The following DNHD1 variants were observed in gnomAD, a reference collection of about 807,000 sequenced individuals.
DNHD1 encodes the protein dynein heavy chain domain-containing protein 1.
DNHD1 carries 383 observed loss-of-function variants against 458.1 expected under a neutral mutation model. The observed-to-expected ratio is 0.84, with a 90% confidence interval of 0.77 to 0.91. The LOEUF is 0.91. DNHD1 is among the 40% of genes least tolerant of loss of function. The pLI is 0.00. For synonymous variants in DNHD1, 2,203 were observed against 2,376.9 expected (o/e 0.93, Z 2.13); for missense variants, 5,336 against 5,866.1 (o/e 0.91, Z 2.95).
At chr11:6,516,209 AAC>A (rs1351715915) in intron 7 of DNHD1, among the ~76,000 whole-genome samples, 7 of 152,036 alleles carry the variant, frequency 4.6e-5, no homozygotes, top group African/African-American at 1.7e-4. Flanking sequence ...CAGTTTTTGC[AAC>A]ATGTATTTTA....
rs367702655 is a variant in DNHD1 at position 6,542,354 on chromosome 11, C to T, written c.3629-1767C>T. ...CTACTAAAAGTAATAAATAAAAATT[C>T]GTAATACAAAGTAAAGGCTCTGGAT... On this transcript the variant is annotated intron_variant, in intron 18 of 42. Transcript: ENST00000254579. Among the ~76,000 whole-genome samples the T allele has an allele frequency of 1.6e-4, 24 of 152,300 alleles. No individual in the cohort carries two copies. In the South Asian group the frequency reaches 1.7e-3, roughly 11 times the overall value.
In DNHD1 at chr11:6,567,062, A is replaced by T. The variant is rs756011729; in HGVS notation, c.11553A>T (p.Arg3851=). Residue 3851 remains arginine (R), a synonymous_variant, in exon 36 of 43, where the codon CGA becomes CGT. Transcript: ENST00000254579. ...AGATGGTATTGTGGGCACCCTATCG[A>T]CCTGTGGTTTGGCATGGAATGGCCA... ...LQEMVLWAPY[R]PVVWHGMAMV... 5 of 1,613,886 alleles carry T rather than the reference A, an allele frequency of 3.1e-6. No homozygotes were observed. The African/African-American group carries it at 6.7e-5, about 22-fold the overall frequency.
intron 10 of DNHD1, chr11:6,520,988 A>C: frequency 1.2e-5 from 6 of 502,082 alleles, no homozygotes; most frequent in Non-Finnish European, 1.5e-5. Flanking sequence ...GGTTCACTGA[A>C]AGGAACCTGT....
chr11:6,509,565 A>G (rs1220406956), intron 6 of DNHD1, among the ~76,000 whole-genome samples: 1 of 152,126 alleles, frequency 6.6e-6, no homozygotes, highest in Non-Finnish European at 1.5e-5. Flanking sequence ...TCTATGGAGA[A>G]TATATGCAAT....
intron 6 of DNHD1, among the ~76,000 whole-genome samples, chr11:6,510,219 G>T (rs772502835): frequency 9.9e-5 from 15 of 151,892 alleles, no homozygotes; most frequent in Non-Finnish European, 2.1e-4. Flanking sequence ...GAGTAGCTGG[G>T]ATTACAGGCA....
intron 12 of DNHD1, among the ~76,000 whole-genome samples, chr11:6,532,481 T>G (rs933903003): frequency 1.8e-4 from 28 of 152,248 alleles, no homozygotes; most frequent in Non-Finnish European, 7.3e-5. Context: ...GGTCCCCTTC[T>G]TCTAGAGCAA....
chr11:6,504,538 C>T (rs1852193121), intron 4 of DNHD1, among the ~76,000 whole-genome samples: 1 of 152,220 alleles, frequency 6.6e-6, no homozygotes, highest in Admixed American at 6.5e-5. Flanking sequence ...CAACCTCCAC[C>T]TCCCTGGTTC....
At position 6,559,236 on chromosome 11, in the gene DNHD1, G is replaced by A. The variant is rs1168719467; in HGVS notation, c.9472G>A (p.Ala3158Thr). 6.4e-7 allele frequency: 1 copy of A among 1,551,712 alleles called. No homozygotes were observed. Among genetic ancestry groups the A allele is most frequent in the East Asian group, 2.4e-5 (1 of 40,926 alleles). ...GCTGATTAAGGAGCACGGTACCCAT[G>A]CCAATCTGATCTTTGACTTGGAACA... ...RMLIKEHGTH[A>T]NLIFDLEQQL... Residue 3158 changes from alanine to threonine, a missense_variant, in exon 28 of 43, where the codon GCC (alanine) becomes ACC (threonine). Physicochemically the swap from Ala to Thr is moderately conservative, Grantham distance 58. Around this residue, in one of 4 missense-constraint regions of DNHD1, gnomAD observed 3,932 missense variants for 4,365.6 expected, o/e 0.90. Coordinates refer to ENST00000254579, the MANE Select transcript of DNHD1 (RefSeq NM_144666.3).
In DNHD1 at chr11:6,545,265, A is replaced by G. The variant is rs1392433757; in HGVS notation, c.4326A>G (p.Pro1442=). The G allele has an allele frequency of 1.9e-6, 3 of 1,551,634 alleles. No homozygotes were observed. In the African/African-American group the frequency reaches 4.1e-5, roughly 21 times the overall value. The change falls in exon 21 of 43, where the codon CCA becomes CCG. Residue 1442 remains proline, a synonymous_variant. Coordinates refer to ENST00000254579, the MANE Select transcript of DNHD1 (RefSeq NM_144666.3). This position sits in a 1 kb window ranked among gnomAD's most constrained non-coding sequence, Gnocchi z 4.9. The stretch of plus-strand genomic sequence containing the variant: ...TGCAGGGTCCCCTTCCTCTGCATCC[A>G]GATCTCCCTAAGTGGCTGGCCTCTC... ...VKLQGPLPLH[P]DLPKWLASLE... is the part of the protein sequence containing the mutation.
chr11:6,554,282 G>GA (rs1193645932), intron 24 of DNHD1, among the ~76,000 whole-genome samples: 5 of 151,788 alleles, frequency 3.3e-5, no homozygotes, highest in Admixed American at 2.0e-4. Context: ...TATATGCATG[G>GA]AAAAAAATGA....
chr11:6,567,260 G>C lies in DNHD1; in HGVS notation c.11751G>C (p.Gln3917His), dbSNP rs1314952963. ...LLQLRAHLTR[Q>H]LLGSTVTALG... is the part of the protein sequence containing the mutation. Reference sequence around the variant, plus strand: ...AATTGAGAGCACACCTGACCCGCCAGCTGCTGGGCAGCACCGTGACTGCAC... The same window carrying C: ...AATTGAGAGCACACCTGACCCGCCACCTGCTGGGCAGCACCGTGACTGCAC... Residue 3917 changes from glutamine to histidine, a missense_variant, in exon 36 of 43, where the codon CAG becomes CAC. By Grantham distance (24) the Gln-to-His change is conservative (BLOSUM62 0). Around this residue, in one of 4 missense-constraint regions of DNHD1, gnomAD observed 695 missense variants for 804.2 expected, o/e 0.86. Coordinates refer to ENST00000254579, the MANE Select transcript of DNHD1 (RefSeq NM_144666.3). 6.2e-7 allele frequency: 1 copy of C among 1,614,024 alleles called. No individual in the cohort carries two copies. Among genetic ancestry groups the C allele is most frequent in the Non-Finnish European group, 8.5e-7 (1 of 1,179,906 alleles).
At chr11:6,538,834 A>AG (rs1200812055) in intron 16 of DNHD1, 24 bp downstream of exon 16, 2 of 1,472,484 alleles carry the variant, frequency 1.4e-6, no homozygotes, top group East Asian at 5.0e-5. Context: ...ATGTCAGAGG[A>AG]GGGGGAAAGG....
chr11:6,507,959 C>T (rs1239346941), intron 4 of DNHD1, among the ~76,000 whole-genome samples: 1 of 152,114 alleles, frequency 6.6e-6, no homozygotes, highest in African/African-American at 2.4e-5. Flanking sequence ...ACTTGCTTAA[C>T]AATGTTTTCT....
intron 7 of DNHD1, among the ~76,000 whole-genome samples, chr11:6,513,660 C>T (rs1037585548): frequency 2.0e-5 from 3 of 152,212 alleles, no homozygotes; most frequent in African/African-American, 7.2e-5. Flanking sequence ...TTATGAATAA[C>T]ACTGCTGTGA....
At position 6,505,127 on chromosome 11, in the gene DNHD1, G is replaced by A. The variant is rs565597389; in HGVS notation, c.920+2201G>A. 6.6e-5 allele frequency among the ~76,000 whole-genome samples: 10 copies of A among 152,098 alleles called. No individual in the cohort carries two copies. The highest frequency in any genetic ancestry group is 7.2e-5 in the African/African-American group (3 of 41,476). On this transcript the variant is annotated intron_variant, in intron 4 of 42. Transcript: ENST00000254579. This position sits in a 1 kb window ranked among gnomAD's most constrained non-coding sequence, Gnocchi z 4.4. ...ATTACAGACGTGAGCCATTGCACCCGGCCCCATTCAGAGTTCTGAGTCTCA... is the reference window on the plus strand; with the variant it reads ...ATTACAGACGTGAGCCATTGCACCCAGCCCCATTCAGAGTTCTGAGTCTCA...
At position 6,566,312 on chromosome 11, in the gene DNHD1, G is replaced by A; in HGVS notation, c.11125G>A (p.Glu3709Lys). 2 of 1,552,096 alleles carry A rather than the reference G, an allele frequency of 1.3e-6. No homozygotes were observed. The highest frequency in any genetic ancestry group is 2.4e-5 in the South Asian group (2 of 84,074). ...CEELQWLLQR[E>K]QLSPPQVQPG... ...AGAACTGCAATGGCTGCTGCAACGG[G>A]AGCAGCTGAGTCCACCCCAGGTGCA... Residue 3709 changes from glutamate (E) to lysine (K), a missense_variant, in exon 34 of 43, where the codon GAG (glutamate) becomes AAG (lysine). By Grantham distance (56) the Glu-to-Lys change is moderately conservative (BLOSUM62 1). Coordinates refer to ENST00000254579, the MANE Select transcript of DNHD1 (RefSeq NM_144666.3).
chr11:6,548,935 TGAG>T lies in DNHD1; in HGVS notation c.7387+6_7387+8del. 1 of 1,551,378 alleles carries T rather than the reference TGAG, an allele frequency of 6.4e-7. No homozygotes were observed. Among genetic ancestry groups the T allele is most frequent in the South Asian group, 1.2e-5 (1 of 84,038 alleles). On this transcript the variant is annotated splice_donor_5th_base_variant and intron_variant, in intron 24 of 42. Transcript: ENST00000254579. This position sits in a 1 kb window ranked among gnomAD's most constrained non-coding sequence, Gnocchi z 4.4. Reference sequence around the variant, plus strand: ...AGGACCTGCACCTAGCCACTTCTGGTGAGGAGCTGCGAAGAGGGAAGGAAGGAG... The same window carrying T: ...AGGACCTGCACCTAGCCACTTCTGGTGAGCTGCGAAGAGGGAAGGAAGGAG...
Position 6,567,102 on chromosome 11 carries a change from A to C in DNHD1, c.11593A>C (p.Ser3865Arg). The C allele has an allele frequency of 6.2e-7, 1 of 1,614,054 alleles. No individual in the cohort carries two copies. Among genetic ancestry groups the C allele is most frequent in the Non-Finnish European group, 8.5e-7 (1 of 1,179,890 alleles). Reference sequence around the variant, plus strand: ...TGGAATGGCCATGGTAAAGGCCCTAAGCCAACTGCAGAACCTGCTGCCACT... The same window carrying C: ...TGGAATGGCCATGGTAAAGGCCCTACGCCAACTGCAGAACCTGCTGCCACT... ...WHGMAMVKALSQLQNLLPLFC... is the reference protein window; with the variant it reads ...WHGMAMVKALRQLQNLLPLFC... The change falls in exon 36 of 43, where the codon AGC becomes CGC. Residue 3865 changes from serine (S) to arginine (R), a missense_variant. This residue lies in a region of DNHD1 where 695 missense variants were observed against 804.2 expected (regional missense o/e 0.86). Coordinates refer to ENST00000254579, the MANE Select transcript of DNHD1 (RefSeq NM_144666.3).
chr11:6,518,194 G>A (rs116814286), intron 7 of DNHD1, among the ~76,000 whole-genome samples: 2,043 of 152,212 alleles, frequency 0.013, 53 homozygotes, highest in African/African-American at 0.047. Context: ...GAGTAGCTGG[G>A]ACTACAGCAG....
Sources: gnomAD v4.1 joint callset for allele counts (sites outside exome capture counted in the v4.1 genomes callset) on GRCh38, gnomAD v4.1.1 for gene constraint, gnomAD v4.1.1 regional missense constraint, Gnocchi (gnomAD v3.1) non-coding constraint, MANE v1.5 for transcripts, NCBI Gene and HGNC (gene_info 2026-07-23, HGNC 2026-07-21) for gene names.